Variants in RSF1 observed in about 807,000 individuals in gnomAD.
RSF1 encodes remodeling and spacing factor 1.
In RSF1, 13 loss-of-function variants were observed where a neutral mutation model predicts 145.2. The observed-to-expected ratio is 0.09, with a 90% CI of 0.06 to 0.14. The LOEUF (loss-of-function observed/expected upper bound fraction) is 0.14. RSF1 is among the 10% of genes least tolerant of loss of function. The pLI is 1.00. For missense variants in RSF1, 1,517 were observed against 1,718.2 expected (o/e 0.88, Z 2.07); for synonymous variants, 577 against 592.6 (o/e 0.97, Z 0.38).
intron 11 of RSF1, among the ~76,000 whole-genome samples, chr11:77,682,198 T>C (rs1012630778): frequency 2.0e-5 from 3 of 152,206 alleles, no homozygotes; most frequent in Admixed American, 1.3e-4. Context: ...ATATGGGATT[T>C]TACCCTTACT....
intron 3 of RSF1, among the ~76,000 whole-genome samples, chr11:77,744,729 G>C (rs1261993067): frequency 6.6e-6 from 1 of 152,186 alleles, no homozygotes; most frequent in African/African-American, 2.4e-5. Context: ...TTTTGTTAAG[G>C]ATTTTTGCAT....
chr11:77,689,552 C>T (rs759649247), intron 9 of RSF1, among the ~76,000 whole-genome samples: 8 of 152,324 alleles, frequency 5.3e-5, no homozygotes, highest in Middle Eastern at 6.8e-3. Context: ...AACTAAAATG[C>T]TCCTCCACCA....
chr11:77,870,433 T>A, the RSF1 span, among the ~76,000 whole-genome samples: 1 of 146,998 alleles, frequency 6.8e-6, no homozygotes, highest in African/African-American at 2.5e-5. Context: ...GCCTCCCGGG[T>A]TCATGCCATT....
chr11:77,736,038 T>C (rs1166213096), intron 4 of RSF1, among the ~76,000 whole-genome samples: 1 of 152,200 alleles, frequency 6.6e-6, no homozygotes, highest in African/African-American at 2.4e-5. Context: ...CACCCGGCCA[T>C]CACTTGATTT....
At chr11:77,843,629 A>G in the RSF1 span, among the ~76,000 whole-genome samples, 1 of 152,222 alleles carries the variant, frequency 6.6e-6, no homozygotes, top group Non-Finnish European at 1.5e-5. Flanking sequence ...TCTGGCTTCT[A>G]TAAAAAAAAT....
chr11:77,722,175 C>T (rs902079106), intron 5 of RSF1, among the ~76,000 whole-genome samples: 3 of 152,082 alleles, frequency 2.0e-5, no homozygotes, highest in African/African-American at 7.2e-5. Context: ...GTGAGACTGT[C>T]TCTAAAATAA....
chr11:77,730,257 T>C (rs118094644), intron 4 of RSF1, among the ~76,000 whole-genome samples: 3,198 of 152,290 alleles, frequency 0.021, 57 homozygotes, highest in Non-Finnish European at 0.034. Flanking sequence ...TAGATATATA[T>C]ATATGGTTTA....
chr11:77,739,433 T>C (rs545304476), intron 4 of RSF1: 11 of 152,394 alleles, frequency 7.2e-5, no homozygotes, highest in African/African-American at 2.6e-4. Context: ...AAATGGTAAA[T>C]AAATTTTAGT....
chr11:77,784,692 C>T (rs1026866892), intron 1 of RSF1, among the ~76,000 whole-genome samples: 4 of 152,140 alleles, frequency 2.6e-5, no homozygotes, highest in African/African-American at 4.8e-5. Flanking sequence ...TTCATCTTAT[C>T]TTTTTAAGGC....
chr11:77,820,994 G>A, upstream of RSF1: 3 of 497,090 alleles, frequency 6.0e-6, no homozygotes, highest in South Asian at 6.4e-5. Flanking sequence ...CCACTGCCTC[G>A]TGTGACAGGG....
At chr11:77,706,209 C>A (rs1960545204) in intron 5 of RSF1, among the ~76,000 whole-genome samples, 1 of 149,198 alleles carries the variant, frequency 6.7e-6, no homozygotes, top group Admixed American at 6.7e-5. Context: ...CCACTGCACT[C>A]CAGCCTGGCG....
At chr11:77,817,471 C>CAGTA (rs778257737) in intron 1 of RSF1, among the ~76,000 whole-genome samples, 11 of 152,294 alleles carry the variant, frequency 7.2e-5, no homozygotes, top group Non-Finnish European at 1.5e-4. Flanking sequence ...TATGTCAAGG[C>CAGTA]AGTAGCTCAC....
At chr11:77,687,093 G>A (rs1960029682) in intron 9 of RSF1, among the ~76,000 whole-genome samples, 1 of 152,140 alleles carries the variant, frequency 6.6e-6, no homozygotes, top group East Asian at 1.9e-4. Flanking sequence ...ACGATGGCTA[G>A]AATTTACAGC....
chr11:77,818,823 A>T (rs1198620924), intron 1 of RSF1, among the ~76,000 whole-genome samples: 3 of 152,228 alleles, frequency 2.0e-5, no homozygotes, highest in African/African-American at 7.2e-5. Context: ...ATGTAAATAC[A>T]ATTTGATAAT....
intron 5 of RSF1, among the ~76,000 whole-genome samples, chr11:77,722,317 A>G (rs1209385564): frequency 2.0e-5 from 3 of 152,206 alleles, no homozygotes; most frequent in Admixed American, 1.3e-4. Flanking sequence ...TTCATTGAGA[A>G]ATGTTTTCAG....
At chr11:77,765,984 G>C (rs1158194995) in intron 1 of RSF1, among the ~76,000 whole-genome samples, 1 of 152,052 alleles carries the variant, frequency 6.6e-6, no homozygotes, top group Non-Finnish European at 1.5e-5. Flanking sequence ...CTGATCTCAG[G>C]CGATCTGCCC....
chr11:77,854,961 C>T, the RSF1 span, among the ~76,000 whole-genome samples: 1 of 152,242 alleles, frequency 6.6e-6, no homozygotes, highest in African/African-American at 2.4e-5. Context: ...AATTGTCACA[C>T]TCTGTGCACC....
chr11:77,846,130 C>T, the RSF1 span, among the ~76,000 whole-genome samples: 2 of 151,978 alleles, frequency 1.3e-5, no homozygotes, highest in African/African-American at 2.4e-5. Context: ...CTATGTGGTT[C>T]TATAAAGTCT....
intron 9 of RSF1, among the ~76,000 whole-genome samples, chr11:77,687,620 T>A (rs578191840): frequency 3.2e-4 from 49 of 152,156 alleles, no homozygotes; most frequent in Admixed American, 2.9e-3. Flanking sequence ...GGTGGGAGGA[T>A]CACTTAAAGA....
Sources: allele counts gnomAD v4.1 joint callset (sites outside exome capture counted in the v4.1 genomes callset), GRCh38; gene constraint gnomAD v4.1.1; transcripts MANE v1.5; gene names NCBI Gene and HGNC (gene_info 2026-07-23, HGNC 2026-07-21).